NAALADL2: variants seen among roughly 807,000 people sequenced by gnomAD.
NAALADL2 encodes N-acetylated alpha-linked acidic dipeptidase like 2.
In NAALADL2, 76 loss-of-function variants were observed where a neutral mutation model predicts 87.2. The observed-to-expected ratio is 0.87, with a 90% CI of 0.72 to 1.05. The LOEUF (loss-of-function observed/expected upper bound fraction) is 1.05, where lower values mean the gene tolerates loss of function less well. NAALADL2 is among the 50% of genes least tolerant of loss of function. The pLI is 0.00. For missense variants in NAALADL2, 1,089 were observed against 945.8 expected, an observed-to-expected ratio of 1.15 and a Z score of -1.99; for synonymous variants, 354 against 331.0, an observed-to-expected ratio of 1.07 and a Z score of -0.75.
At chr3:175,195,643 T>C (rs575909459) in intron 2 of NAALADL2, among the ~76,000 whole-genome samples, 1 of 151,954 alleles carries the variant, frequency 6.6e-6, no homozygotes, top group East Asian at 1.9e-4. Flanking sequence ...AAGAAGCAGA[T>C]CGTATATGCA....
At chr3:175,271,076 C>T (rs962924221) in intron 4 of NAALADL2, 1 of 152,012 alleles carries the variant, frequency 6.6e-6, no homozygotes, top group African/African-American at 2.4e-5. Flanking sequence ...GTCTCAAAAT[C>T]CCTGAGGAAT....
chr3:174,682,359 G>C (rs979645666), intron 2 of NAALADL2, among the ~76,000 whole-genome samples: 9 of 152,288 alleles, frequency 5.9e-5, no homozygotes, highest in African/African-American at 2.2e-4. Context: ...ACACAAGCCT[G>C]TCTGGCTTTG....
intron 10 of NAALADL2, among the ~76,000 whole-genome samples, chr3:175,595,265 A>C (rs1016119852): frequency 3.3e-5 from 5 of 151,938 alleles, no homozygotes; most frequent in Admixed American, 6.6e-5. Flanking sequence ...TCCTTTCTCC[A>C]TTGCTTGTTT....
intron 3 of NAALADL2, among the ~76,000 whole-genome samples, chr3:175,241,937 C>T (rs1427726729): frequency 7.7e-6 from 1 of 130,466 alleles, no homozygotes; most frequent in Non-Finnish European, 1.6e-5. Context: ...TCTTGGCTCA[C>T]TGCAACCTCT....
At chr3:175,775,056 T>A (rs1750029219) in intron 13 of NAALADL2, 1 of 151,632 alleles carries the variant, frequency 6.6e-6, no homozygotes, top group South Asian at 2.1e-4. Flanking sequence ...GTTTGGCTTA[T>A]GACATATCTA....
intron 3 of NAALADL2, among the ~76,000 whole-genome samples, chr3:174,846,554 T>C (rs1724641065): frequency 6.6e-6 from 1 of 152,248 alleles, no homozygotes; most frequent in Non-Finnish European, 1.5e-5. Context: ...TACAGGATAC[T>C]TTTGTCAATC....
At chr3:175,111,522 A>G (rs57874817) in intron 2 of NAALADL2, among the ~76,000 whole-genome samples, 53,832 of 151,566 alleles carry the variant, frequency 0.36, 9,852 homozygotes, top group East Asian at 0.44. Context: ...ATGGTAACCT[A>G]GATATCAACT....
chr3:175,520,375 T>A (rs1388223812), intron 9 of NAALADL2, among the ~76,000 whole-genome samples: 1 of 142,700 alleles, frequency 7.0e-6, no homozygotes, highest in East Asian at 2.1e-4. Flanking sequence ...CTCGGCTCAC[T>A]GCAAGCTCCG....
rs374058051 is a variant in NAALADL2, at chr3:175,108,606, T to A, written c.545+11315T>A. ...TTAACTCTATTCTGTAGGGAAAAAC[T>A]TGTAAGATCAGCTTGTACCAATATT... is the stretch of plus-strand genomic sequence containing the variant. On this transcript the variant is annotated intron_variant, in intron 2 of 13. Transcript: ENST00000454872. 2.6e-5 allele frequency among the ~76,000 whole-genome samples: 4 copies of A among 151,994 alleles called. No homozygotes were observed. The South Asian group carries it at 8.3e-4, about 31-fold the overall frequency.
intron 5 of NAALADL2, among the ~76,000 whole-genome samples, chr3:175,403,007 T>C (rs1711605862): frequency 6.6e-6 from 1 of 152,144 alleles, no homozygotes; most frequent in Admixed American, 6.6e-5. Flanking sequence ...CTCATGCTTC[T>C]GGAGTTACCG....
At chr3:175,183,539 T>G (rs963604375) in intron 2 of NAALADL2, among the ~76,000 whole-genome samples, 1 of 152,110 alleles carries the variant, frequency 6.6e-6, no homozygotes, top group Non-Finnish European at 1.5e-5. Context: ...AGGGTGTTTA[T>G]CATAAAAGGA....
At chr3:174,780,437 A>C (rs1715810808) in intron 3 of NAALADL2, among the ~76,000 whole-genome samples, 1 of 152,164 alleles carries the variant, frequency 6.6e-6, no homozygotes, top group South Asian at 2.1e-4. Flanking sequence ...AACAGAGACA[A>C]TTTGACCTCC....
intron 2 of NAALADL2, among the ~76,000 whole-genome samples, chr3:174,682,409 T>G (rs1727631202): frequency 6.6e-6 from 1 of 151,790 alleles, no homozygotes; most frequent in African/African-American, 2.4e-5. Context: ...TTGAGTGAAC[T>G]TAGGTGATAG....
chr3:174,552,290 TA>T (rs1287004505), intron 2 of NAALADL2, among the ~76,000 whole-genome samples: 3 of 152,188 alleles, frequency 2.0e-5, no homozygotes, highest in Non-Finnish European at 4.4e-5. Context: ...TCAGGGAGAT[TA>T]ATTGACATGA....
intron 10 of NAALADL2, among the ~76,000 whole-genome samples, chr3:175,616,359 A>G (rs1266000904): frequency 6.6e-6 from 1 of 151,192 alleles, no homozygotes; most frequent in Admixed American, 6.6e-5. Flanking sequence ...TGCTATCACT[A>G]TTAAATCAGT....
intron 5 of NAALADL2, among the ~76,000 whole-genome samples, chr3:175,430,104 C>G (rs960798804): frequency 2.6e-5 from 4 of 151,678 alleles, no homozygotes; most frequent in Non-Finnish European, 4.4e-5. Context: ...TAATAAAATT[C>G]CCTGCCATCC....
intron 10 of NAALADL2, among the ~76,000 whole-genome samples, chr3:175,596,618 G>T (rs1457150912): frequency 6.6e-6 from 1 of 151,806 alleles, no homozygotes; most frequent in Non-Finnish European, 1.5e-5. Context: ...TGAGAAGTCT[G>T]CTCTCCAGTA....
At chr3:174,849,248 A>C (rs1398384936) in intron 3 of NAALADL2, among the ~76,000 whole-genome samples, 1 of 152,050 alleles carries the variant, frequency 6.6e-6, no homozygotes, top group Admixed American at 6.5e-5. Context: ...TAATAAGTTA[A>C]TCTTAATTGA....
At chr3:174,815,032 T>A (rs904399491) in intron 3 of NAALADL2, among the ~76,000 whole-genome samples, 9 of 152,236 alleles carry the variant, frequency 5.9e-5, no homozygotes, top group Non-Finnish European at 2.9e-5. Context: ...ATATAATTAA[T>A]GCAAAACTGA....
Sources: allele counts gnomAD v4.1 joint callset (sites outside exome capture counted in the v4.1 genomes callset), GRCh38; gene constraint gnomAD v4.1.1; transcripts MANE v1.5; gene names NCBI Gene and HGNC (gene_info 2026-07-23, HGNC 2026-07-21).